ZMYM2: variants seen among roughly 807,000 people sequenced by gnomAD.
ZMYM2 encodes the protein zinc finger MYM-type protein 2.
ZMYM2 carries 56 observed loss-of-function variants against 162.8 expected under a neutral mutation model. The ratio of observed to expected loss-of-function variants is 0.34; its 90% CI spans 0.28 to 0.43. The LOEUF (loss-of-function observed/expected upper bound fraction) is 0.43. ZMYM2 is among the 20% of genes least tolerant of loss of function. The probability of loss-of-function intolerance (pLI) is 1.00; values close to 1 mark genes in which losing one functional copy is unlikely to be tolerated. For synonymous variants in ZMYM2, 510 were observed against 541.6 expected (o/e 0.94, Z 0.81); for missense variants, 1,275 against 1,621.8 (o/e 0.79, Z 3.67).
chr13:19,983,447 C>T (rs1221772053), intron 2 of ZMYM2, among the ~76,000 whole-genome samples: 1 of 151,590 alleles, frequency 6.6e-6, no homozygotes, highest in Non-Finnish European at 1.5e-5. Flanking sequence ...TGCCCGGCCT[C>T]ACATTTTTAT....
At chr13:20,016,037 T>C (rs918003662) in intron 6 of ZMYM2, among the ~76,000 whole-genome samples, 1 of 152,086 alleles carries the variant, frequency 6.6e-6, no homozygotes, top group South Asian at 2.1e-4. Flanking sequence ...GATTTATTTC[T>C]GCCATTTTTC....
chr13:20,021,016 C>G (rs1369364358), intron 7 of ZMYM2, among the ~76,000 whole-genome samples: 1 of 151,168 alleles, frequency 6.6e-6, no homozygotes, highest in Non-Finnish European at 1.5e-5. Flanking sequence ...TGCTCTGTCA[C>G]CCAGGCTGGA....
At chr13:19,953,434 G>A in the ZMYM2 span, among the ~76,000 whole-genome samples, 966 of 151,944 alleles carry the variant, frequency 6.4e-3, 17 homozygotes, top group African/African-American at 0.022. Flanking sequence ...CCTGTAATCC[G>A]AGCACTTTGG....
At chr13:20,055,651 A>G (rs1302898075) in intron 14 of ZMYM2, among the ~76,000 whole-genome samples, 1 of 152,198 alleles carries the variant, frequency 6.6e-6, no homozygotes, top group Non-Finnish European at 1.5e-5. Context: ...TTCAGTATTA[A>G]TGAATCAACA....
chr13:19,959,042 CCTCGGGGG>C (rs1303044003), intron 1 of ZMYM2, among the ~76,000 whole-genome samples: 1 of 151,832 alleles, frequency 6.6e-6, no homozygotes, highest in Non-Finnish European at 1.5e-5. Context: ...CGCGTCGGGG[CCTCGGGGG>C]CAGCTCGGGG....
the ZMYM2 span, chr13:19,864,892 C>G: frequency 6.6e-6 from 1 of 152,294 alleles, no homozygotes; most frequent in Non-Finnish European, 1.5e-5. Context: ...TGGTGCTGAA[C>G]CATTTCCCGG....
intron 2 of ZMYM2, among the ~76,000 whole-genome samples, chr13:19,990,885 C>T (rs995119302): frequency 3.9e-5 from 6 of 152,102 alleles, no homozygotes; most frequent in Non-Finnish European, 7.4e-5. Context: ...TATACTTGCC[C>T]TTCAGTTTTA....
chr13:20,045,243 G>T (rs537786820), intron 12 of ZMYM2, among the ~76,000 whole-genome samples: 41 of 152,034 alleles, frequency 2.7e-4, no homozygotes, highest in Non-Finnish European at 5.1e-4. Flanking sequence ...TTTAATATCT[G>T]CAATTCACCA....
intron 17 of ZMYM2, among the ~76,000 whole-genome samples, chr13:20,062,607 A>G (rs1015664825): frequency 6.6e-6 from 1 of 152,182 alleles, no homozygotes; most frequent in Non-Finnish European, 1.5e-5. Flanking sequence ...TTTTGAAGGG[A>G]GTCCTCCTGT....
At chr13:19,874,417 G>T in the ZMYM2 span, among the ~76,000 whole-genome samples, 1 of 151,998 alleles carries the variant, frequency 6.6e-6, no homozygotes, top group Non-Finnish European at 1.5e-5. Flanking sequence ...TATTTTTAGA[G>T]ATGGAGGGTC....
chr13:20,021,132 T>C (rs944510845), intron 7 of ZMYM2, among the ~76,000 whole-genome samples: 11 of 151,958 alleles, frequency 7.2e-5, no homozygotes, highest in Non-Finnish European at 1.2e-4. Context: ...CCCGCCACCA[T>C]GCCCGGCTAA....
At chr13:19,907,698 G>C in the ZMYM2 span, among the ~76,000 whole-genome samples, 1 of 136,444 alleles carries the variant, frequency 7.3e-6, no homozygotes, top group Non-Finnish European at 1.5e-5. Flanking sequence ...GGAATCGGAG[G>C]TTGCAGTGAG....
the ZMYM2 span, among the ~76,000 whole-genome samples, chr13:19,908,374 C>T: frequency 3.3e-5 from 5 of 151,058 alleles, no homozygotes; most frequent in Non-Finnish European, 7.4e-5. Context: ...GAGGCTGAAG[C>T]ATTAGGAACT....
chr13:19,942,667 G>C, the ZMYM2 span, among the ~76,000 whole-genome samples: 5 of 151,948 alleles, frequency 3.3e-5, no homozygotes, highest in African/African-American at 1.2e-4. Flanking sequence ...CCATAATCCT[G>C]CCACTGCATC....
At chr13:19,900,213 C>T in the ZMYM2 span, among the ~76,000 whole-genome samples, 3 of 152,070 alleles carry the variant, frequency 2.0e-5, no homozygotes, top group Non-Finnish European at 4.4e-5. Context: ...GCATGAGAAT[C>T]ACTTGAACCC....
At chr13:19,903,188 C>G in the ZMYM2 span, among the ~76,000 whole-genome samples, 3 of 151,940 alleles carry the variant, frequency 2.0e-5, no homozygotes, top group Non-Finnish European at 4.4e-5. Flanking sequence ...AATAAATTAG[C>G]TGGGCATGGT....
At chr13:20,019,664 C>T (rs1234476951) in intron 7 of ZMYM2, 46 bp downstream of exon 7, 5 of 1,488,864 alleles carry the variant, frequency 3.4e-6, no homozygotes, top group Middle Eastern at 1.7e-4. Flanking sequence ...CATTTTTGAG[C>T]ACTGCTACTA....
intron 2 of ZMYM2, among the ~76,000 whole-genome samples, chr13:19,960,587 A>T (rs1205574007): frequency 6.6e-6 from 1 of 152,180 alleles, no homozygotes; most frequent in Non-Finnish European, 1.5e-5. Flanking sequence ...TTGTTCACCA[A>T]GTAGTATGCT....
intron 16 of ZMYM2, among the ~76,000 whole-genome samples, chr13:20,060,127 G>A (rs1443836466): frequency 6.6e-6 from 1 of 152,142 alleles, no homozygotes; most frequent in Non-Finnish European, 1.5e-5. Context: ...ATAGACTTTG[G>A]TATCCATCCA....
Sources: allele counts gnomAD v4.1 joint callset (sites outside exome capture counted in the v4.1 genomes callset), GRCh38; gene constraint gnomAD v4.1.1; transcripts MANE v1.5; gene names NCBI Gene and HGNC (gene_info 2026-07-23, HGNC 2026-07-21).